Variants in ZRANB2 observed in about 807,000 individuals in gnomAD.
ZRANB2 encodes zinc finger RANBP2-type containing 2.
Under a neutral mutation model 53.4 loss-of-function variants are expected in ZRANB2, and 19 were observed. That is an observed-to-expected ratio of 0.36 (90% CI 0.25 to 0.52). The LOEUF (loss-of-function observed/expected upper bound fraction) is 0.52. Ranked by LOEUF, ZRANB2 falls within the 20% of genes least tolerant of loss-of-function variation. ZRANB2 has a pLI of 0.93. For missense variants in ZRANB2, 309 were observed against 401.1 expected, an observed-to-expected ratio of 0.77 and a Z score of 1.96; for synonymous variants, 145 against 134.8, an observed-to-expected ratio of 1.08 and a Z score of -0.52.
intron 1 of ZRANB2, 79 bp downstream of exon 1, chr1:71,080,858 TAAA>T (rs1364520501): frequency 3.2e-6 from 5 of 1,545,052 alleles, no homozygotes; most frequent in Non-Finnish European, 4.5e-6. Context: ...CAGAAAATCA[TAAA>T]AAAGGAAAAT....
intron 6 of ZRANB2, among the ~76,000 whole-genome samples, chr1:71,071,544 C>A (rs1369362308): frequency 6.6e-6 from 1 of 152,112 alleles, no homozygotes; most frequent in Non-Finnish European, 1.5e-5. Flanking sequence ...TGGCATAAAA[C>A]TTACACTCTG....
intron 3 of ZRANB2, among the ~76,000 whole-genome samples, chr1:71,077,833 G>T (rs1344658372): frequency 6.6e-6 from 1 of 152,170 alleles, no homozygotes; most frequent in Non-Finnish European, 1.5e-5. Context: ...TCCAGCCTGG[G>T]TGACTGAGTG....
At chr1:71,071,039 T>A (rs1661584093) in intron 6 of ZRANB2, 43 bp from the exon 7 acceptor site, 1 of 1,466,060 alleles carries the variant, frequency 6.8e-7, no homozygotes, top group Non-Finnish European at 9.0e-7. Context: ...GATATTAGTG[T>A]TACCTACCAG....
At chr1:71,065,958 A>G (rs1661421776) in intron 9 of ZRANB2, 1 of 589,516 alleles carries the variant, frequency 1.7e-6, no homozygotes, top group Non-Finnish European at 2.8e-6. Context: ...AAATGTGAAG[A>G]AGCAAAACTA....
In ZRANB2 at chr1:71,066,800, C is replaced by T. The variant is rs147528319; in HGVS notation, c.905G>A (p.Arg302Gln). Reference protein sequence around the residue: ...SSSSGDRKKRRTRSRSPERRH... With the variant: ...SSSSGDRKKRQTRSRSPERRH... ...CCTTTCGGGTGACCGTGATCTTGTT[C>T]GTCTTTTTTTGCGATCACCAGATGA... Residue 302 changes from arginine to glutamine, a missense_variant, in exon 9 of 10, where the codon CGA becomes CAA. By Grantham distance (43) the Arg-to-Gln change is conservative. This residue lies in a region of ZRANB2 where 211 missense variants were observed against 196.1 expected (regional missense o/e 1.08). Transcript: ENST00000370920. 9 of 1,611,948 alleles carry T rather than the reference C, an allele frequency of 5.6e-6. No homozygotes were observed. Among genetic ancestry groups the T allele is most frequent in the Non-Finnish European group, 5.9e-6 (7 of 1,179,382 alleles).
Position 71,065,607 on chromosome 1 carries a change from C to T in ZRANB2, c.930-470G>A. 2.7e-6 allele frequency: 4 copies of T among 1,500,252 alleles called. No homozygotes were observed. The South Asian group carries it at 5.5e-5, about 21-fold the overall frequency. The allele number at this position is 1,500,252 out of a possible 1,614,324, so 92.9% of individuals were successfully genotyped here. Reference sequence around the variant, plus strand: ...ATAAATAAGTTTTGGAAATCTAGGTCACACAAGATGATTGTACAATTTGCT... The same window carrying T: ...ATAAATAAGTTTTGGAAATCTAGGTTACACAAGATGATTGTACAATTTGCT... On this transcript the variant is annotated intron_variant, in intron 9 of 9. Transcript: ENST00000370920.
chr1:71,065,273 T>C (rs575304971), intron 9 of ZRANB2, 136 bp from the exon 10 acceptor site: 7 of 590,750 alleles, frequency 1.2e-5, no homozygotes, highest in Admixed American at 1.1e-4. Context: ...AGATAGGAAC[T>C]TACACACATA....
chr1:71,075,652 C>T (rs186807466), intron 4 of ZRANB2, among the ~76,000 whole-genome samples: 1 of 151,494 alleles, frequency 6.6e-6, no homozygotes, highest in Non-Finnish European at 1.5e-5. Flanking sequence ...GCAAAGGAGA[C>T]AGAATAAACA....
chr1:71,071,690 G>A (rs945565172), intron 6 of ZRANB2, among the ~76,000 whole-genome samples: 5 of 152,146 alleles, frequency 3.3e-5, no homozygotes, highest in Non-Finnish European at 7.4e-5. Context: ...TAGGGAACCC[G>A]TATTTGCTGT....
At chr1:71,078,782 A>G (rs570712267) in intron 1 of ZRANB2, 74 bp from the exon 2 acceptor site, 174 of 1,243,634 alleles carry the variant, frequency 1.4e-4, no homozygotes, top group Non-Finnish European at 1.7e-4. Context: ...TCCTCACTAC[A>G]TATCTGGAAT....
chr1:71,067,844 G>T (rs1661486460), intron 8 of ZRANB2: 3 of 315,998 alleles, frequency 9.5e-6, no homozygotes, highest in African/African-American at 2.4e-5. Flanking sequence ...CTAAATAATG[G>T]TAACAATAAA....
chr1:71,078,420 T>C (rs1197462872), intron 3 of ZRANB2, 37 bp downstream of exon 3: 3 of 1,564,216 alleles, frequency 1.9e-6, no homozygotes, highest in Non-Finnish European at 2.6e-6. Flanking sequence ...ATCTATTATT[T>C]TGGAAGAAAG....
intron 8 of ZRANB2, among the ~76,000 whole-genome samples, chr1:71,068,823 C>A (rs1661526580): frequency 6.7e-6 from 1 of 149,534 alleles, no homozygotes. Context: ...AGACACTCCT[C>A]TGTCACCCAG....
In ZRANB2 at chr1:71,072,209, G is replaced by A; in HGVS notation, c.425C>T (p.Ala142Val). 6.2e-7 allele frequency: 1 copy of A among 1,611,906 alleles called. No individual in the cohort carries two copies. The highest frequency in any genetic ancestry group is 1.1e-5 in the South Asian group (1 of 90,776). The change falls in exon 6 of 10, where the codon GCA becomes GTA. Residue 142 changes from alanine (A) to valine (V), a missense_variant. Physicochemically the swap from Ala to Val is moderately conservative, Grantham distance 64. Coordinates refer to ENST00000370920, the MANE Select transcript of ZRANB2 (RefSeq NM_203350.3). ...ATCTTCAACTTCCTTTAATATAGAT[G>A]CAGGACCAACTGCTTTCCCTCTGTA... ...KKYRGKAVGP[A>V]SILKEVEDKE...
chr1:71,079,335 A>C (rs939463604), intron 1 of ZRANB2, among the ~76,000 whole-genome samples: 1 of 152,314 alleles, frequency 6.6e-6, no homozygotes, highest in South Asian at 2.1e-4. Flanking sequence ...GTACAGTAAG[A>C]CTTTATGCTT....
chr1:71,070,431 A>G (rs1355322909), intron 7 of ZRANB2, among the ~76,000 whole-genome samples: 1 of 152,180 alleles, frequency 6.6e-6, no homozygotes, highest in Non-Finnish European at 1.5e-5. Context: ...TGTAATAAGC[A>G]ATGATTTAAT....
At chr1:71,065,946 C>A in intron 9 of ZRANB2, 2 of 715,738 alleles carry the variant, frequency 2.8e-6, no homozygotes, top group Non-Finnish European at 4.3e-6. Context: ...ATCTAAACTC[C>A]AAAATGTGAA....
chr1:71,071,835 CAT>C (rs1336929258), intron 6 of ZRANB2, among the ~76,000 whole-genome samples: 1 of 152,150 alleles, frequency 6.6e-6, no homozygotes, highest in Non-Finnish European at 1.5e-5. Flanking sequence ...GTTATCACAT[CAT>C]GTGTCTTCAT....
chr1:71,065,618 A>G, intron 9 of ZRANB2: 1 of 1,538,418 alleles, frequency 6.5e-7, no homozygotes, highest in Non-Finnish European at 8.8e-7. Context: ...ACACAAGATG[A>G]TTGTACAATT....
Sources: allele counts gnomAD v4.1 joint callset (sites outside exome capture counted in the v4.1 genomes callset), GRCh38; gene constraint gnomAD v4.1.1; regional missense constraint gnomAD v4.1.1; transcripts MANE v1.5; gene names NCBI Gene and HGNC (gene_info 2026-07-23, HGNC 2026-07-21).